Variants in GPHN observed in about 807,000 individuals in gnomAD.
GPHN encodes the protein gephyrin.
Under a neutral mutation model 95.5 loss-of-function variants are expected in GPHN, and 17 were observed. The observed-to-expected ratio is 0.18, with a 90% CI of 0.12 to 0.27. GPHN has a LOEUF of 0.27. Ranked by LOEUF, GPHN falls within the 10% of genes least tolerant of loss-of-function variation. The pLI, the probability that GPHN is intolerant of heterozygous loss-of-function variation, is 1.00. For synonymous variants in GPHN, 320 were observed against 322.5 expected, an observed-to-expected ratio of 0.99 and a Z score of 0.08; for missense variants, 660 against 978.1, an observed-to-expected ratio of 0.67 and a Z score of 4.34.
At chr14:67,003,317 T>G (rs1310535779) in intron 9 of GPHN, among the ~76,000 whole-genome samples, 9 of 151,748 alleles carry the variant, frequency 5.9e-5, no homozygotes, top group South Asian at 4.1e-4. Flanking sequence ...TCTAGACTAG[T>G]GTTCATATAA....
At chr14:66,530,500 A>AAAAAC (rs1422683758) in intron 1 of GPHN, among the ~76,000 whole-genome samples, 9 of 152,048 alleles carry the variant, frequency 5.9e-5, no homozygotes, top group African/African-American at 1.4e-4. Flanking sequence ...GGTATGAAAA[A>AAAAAC]AAAACAAAAC....
the GPHN span, among the ~76,000 whole-genome samples, chr14:67,451,741 G>A: frequency 6.6e-6 from 1 of 152,184 alleles, no homozygotes; most frequent in Non-Finnish European, 1.5e-5. Flanking sequence ...CCTTGTCTTG[G>A]ATGAGACTTT....
chr14:66,555,854 G>T (rs187787144), intron 1 of GPHN, among the ~76,000 whole-genome samples: 4 of 152,034 alleles, frequency 2.6e-5, no homozygotes, highest in Non-Finnish European at 5.9e-5. Flanking sequence ...ACCTTATATT[G>T]TTTATTATTT....
intron 2 of GPHN, chr14:66,709,406 T>C (rs1417392353): frequency 2.2e-6 from 1 of 455,970 alleles, no homozygotes; most frequent in East Asian, 7.0e-5. Context: ...CAGATACTAC[T>C]GAACCCAAGT....
chr14:67,238,710 C>T, the GPHN span, among the ~76,000 whole-genome samples: 5 of 151,822 alleles, frequency 3.3e-5, no homozygotes, highest in Admixed American at 3.3e-4. Flanking sequence ...GTGGTGTGAT[C>T]TCAGCTTACT....
intron 2 of GPHN, among the ~76,000 whole-genome samples, chr14:66,692,990 A>G (rs961522991): frequency 2.6e-5 from 4 of 152,032 alleles, no homozygotes; most frequent in African/African-American, 9.7e-5. Flanking sequence ...GGTAACATCT[A>G]TTGATATTTA....
intron 4 of GPHN, among the ~76,000 whole-genome samples, chr14:66,878,382 A>G (rs763187723): frequency 3.9e-5 from 6 of 152,214 alleles, no homozygotes; most frequent in Admixed American, 3.3e-4. Context: ...TAATTAAACT[A>G]AAGAGCTTCT....
chr14:67,169,176 C>T (rs1330289485), intron 21 of GPHN, 140 bp downstream of exon 21: 1 of 682,000 alleles, frequency 1.5e-6, no homozygotes, highest in African/African-American at 1.8e-5. Flanking sequence ...CCCCTGTGTA[C>T]TAGAAAATGT....
the GPHN span, chr14:67,684,988 A>T: frequency 6.4e-7 from 1 of 1,574,244 alleles, no homozygotes; most frequent in African/African-American, 1.4e-5. Context: ...AATAAATCTC[A>T]TCTGCAAAAA....
intron 1 of GPHN, among the ~76,000 whole-genome samples, chr14:66,538,859 T>C (rs2059239916): frequency 6.6e-6 from 1 of 151,842 alleles, no homozygotes; most frequent in Non-Finnish European, 1.5e-5. Context: ...AATTAATAAA[T>C]TTCACATTTA....
At chr14:67,635,888 G>GA in the GPHN span, among the ~76,000 whole-genome samples, 1 of 152,040 alleles carries the variant, frequency 6.6e-6, no homozygotes, top group Non-Finnish European at 1.5e-5. Flanking sequence ...TAATTTCCAA[G>GA]AATTCCTTTT....
the GPHN span, among the ~76,000 whole-genome samples, chr14:67,451,883 T>C: frequency 1.3e-5 from 2 of 152,188 alleles, no homozygotes; most frequent in Non-Finnish European, 1.5e-5. Context: ...ATGGTTTGGC[T>C]CTGTGTCTCC....
At chr14:67,312,864 T>C in the GPHN span, among the ~76,000 whole-genome samples, 4 of 152,352 alleles carry the variant, frequency 2.6e-5, no homozygotes, top group East Asian at 7.7e-4. Flanking sequence ...ACCTGCAGCG[T>C]AAGTATATTA....
At chr14:67,289,302 A>G in the GPHN span, among the ~76,000 whole-genome samples, 1 of 152,306 alleles carries the variant, frequency 6.6e-6, no homozygotes, top group Admixed American at 6.5e-5. Context: ...TTTATAAAAA[A>G]GACTTTTCCC....
At chr14:67,145,788 T>C (rs1484423185) in intron 18 of GPHN, among the ~76,000 whole-genome samples, 1 of 152,176 alleles carries the variant, frequency 6.6e-6, no homozygotes, top group African/African-American at 2.4e-5. Context: ...AAGGAAAAAT[T>C]CAGAAGTATT....
chr14:66,721,910 C>T (rs1349621760), intron 2 of GPHN, among the ~76,000 whole-genome samples: 1 of 136,254 alleles, frequency 7.3e-6, no homozygotes. Flanking sequence ...GAGATTATGC[C>T]ATTGTACTCC....
At chr14:67,195,573 C>T in the GPHN span, among the ~76,000 whole-genome samples, 1 of 152,190 alleles carries the variant, frequency 6.6e-6, no homozygotes. Flanking sequence ...CACTCTTTCA[C>T]TTAACTCTGT....
the GPHN span, among the ~76,000 whole-genome samples, chr14:67,442,143 T>A: frequency 6.6e-6 from 1 of 152,154 alleles, no homozygotes; most frequent in Non-Finnish European, 1.5e-5. Flanking sequence ...ATATAATTTT[T>A]AATATATTTT....
intron 21 of GPHN, among the ~76,000 whole-genome samples, chr14:67,176,723 G>A (rs1022572916): frequency 3.3e-5 from 5 of 152,060 alleles, no homozygotes; most frequent in Non-Finnish European, 7.4e-5. Context: ...TTTTTGGTTG[G>A]TAGGCTATTA....
Sources: allele counts gnomAD v4.1 joint callset (sites outside exome capture counted in the v4.1 genomes callset), GRCh38; gene constraint gnomAD v4.1.1; transcripts MANE v1.5; gene names NCBI Gene and HGNC (gene_info 2026-07-23, HGNC 2026-07-21).